The following SLC16A12 variants were observed in gnomAD, a reference collection of about 807,000 sequenced individuals.
The protein encoded by SLC16A12 is monocarboxylate transporter 12.
SLC16A12 carries 17 observed loss-of-function variants against 42.4 expected under a neutral mutation model. The observed-to-expected ratio is 0.40, with a 90% CI of 0.27 to 0.60. SLC16A12 has a LOEUF of 0.60. Among genes scored for constraint, SLC16A12 ranks in the 20% least tolerant of loss-of-function variants. The probability of loss-of-function intolerance (pLI) is 0.42; values close to 1 mark genes in which losing one functional copy is unlikely to be tolerated. For missense variants in SLC16A12, 544 were observed against 623.0 expected (o/e 0.87, Z 1.35); for synonymous variants, 224 against 229.4 (o/e 0.98, Z 0.21).
intron 2 of SLC16A12, among the ~76,000 whole-genome samples, chr10:89,487,297 T>A (rs1401537728): frequency 6.6e-6 from 1 of 152,068 alleles, no homozygotes; most frequent in Non-Finnish European, 1.5e-5. Context: ...TAGTGTACCA[T>A]CTCACACCTA....
chr10:89,524,170 A>G (rs1843409608), intron 2 of SLC16A12, among the ~76,000 whole-genome samples: 1 of 152,196 alleles, frequency 6.6e-6, no homozygotes, highest in Non-Finnish European at 1.5e-5. Flanking sequence ...GTCTTACCAT[A>G]AGGCATTAAT....
Position 89,494,714 on chromosome 10 carries a change from G to A in SLC16A12, c.-46-32090C>T, listed in dbSNP as rs141075901. On this transcript the variant is annotated intron_variant, in intron 2 of 7. Transcript: ENST00000371790. ...ACTGAAACCTAATCCAACATGGAAGGGAGACGGTAAGAAGGAAGCCAAACT... is the reference window on the plus strand; with the variant it reads ...ACTGAAACCTAATCCAACATGGAAGAGAGACGGTAAGAAGGAAGCCAAACT... 3.8e-3 allele frequency among the ~76,000 whole-genome samples: 576 copies of A among 152,324 alleles called. 3 individuals carry two copies. Among genetic ancestry groups the A allele is most frequent in the African/African-American group, 0.013 (522 of 41,568 alleles).
intron 2 of SLC16A12, among the ~76,000 whole-genome samples, chr10:89,509,650 A>C (rs866717576): frequency 1.3e-5 from 2 of 152,192 alleles, no homozygotes; most frequent in Non-Finnish European, 2.9e-5. Context: ...AATGAGCAAA[A>C]ACTGGAAGCA....
intron 6 of SLC16A12, among the ~76,000 whole-genome samples, chr10:89,436,984 G>C (rs1291452443): frequency 6.6e-6 from 1 of 152,138 alleles, no homozygotes; most frequent in Non-Finnish European, 1.5e-5. Context: ...CACATTCAAA[G>C]CCATCCCAGG....
intron 4 of SLC16A12, among the ~76,000 whole-genome samples, chr10:89,442,650 A>T (rs149112060): frequency 3.5e-4 from 54 of 152,248 alleles, no homozygotes; most frequent in Admixed American, 4.6e-4. Flanking sequence ...ATCCCTTAAG[A>T]CCTTCTTCTT....
At chr10:89,508,696 A>C (rs1843110819) in intron 2 of SLC16A12, among the ~76,000 whole-genome samples, 1 of 152,216 alleles carries the variant, frequency 6.6e-6, no homozygotes, top group Admixed American at 6.5e-5. Flanking sequence ...ACAAATTCAA[A>C]AGCTAGCAGA....
At position 89,433,544 on chromosome 10, in the gene SLC16A12, A is replaced by C. The variant is rs78515326; in HGVS notation, c.1289-218T>G. Reference sequence around the variant, plus strand: ...TAGAGTGAATTGATTGTTGTTCTGTAAAGTGCTTGGAAAAGCATCATGTAC... The same window carrying C: ...TAGAGTGAATTGATTGTTGTTCTGTCAAGTGCTTGGAAAAGCATCATGTAC... On this transcript the variant is annotated intron_variant, in intron 7 of 7. Coordinates refer to ENST00000371790, the MANE Select transcript of SLC16A12 (RefSeq NM_213606.4). 1.2e-4 allele frequency among the ~76,000 whole-genome samples: 18 copies of C among 152,340 alleles called. No homozygotes were observed. The East Asian group carries it at 3.5e-3, about 29-fold the overall frequency.
At chr10:89,512,851 G>C (rs1843185917) in intron 2 of SLC16A12, among the ~76,000 whole-genome samples, 1 of 152,196 alleles carries the variant, frequency 6.6e-6, no homozygotes, top group Non-Finnish European at 1.5e-5. Flanking sequence ...AAGTATGGGT[G>C]CCAACCAGGA....
chr10:89,524,684 C>T (rs895713846), intron 2 of SLC16A12, among the ~76,000 whole-genome samples: 4 of 152,172 alleles, frequency 2.6e-5, no homozygotes, highest in Admixed American at 6.5e-5. Context: ...GAGGCCTTTC[C>T]TCAAAGGCTT....
upstream of SLC16A12, among the ~76,000 whole-genome samples, chr10:89,535,947 G>C (rs866152540): frequency 2.6e-5 from 4 of 152,260 alleles, no homozygotes; most frequent in Admixed American, 6.5e-5. Flanking sequence ...AGCCCCGCCA[G>C]CTCCGCCGGG....
chr10:89,531,885 T>C (rs1287744259), intron 2 of SLC16A12, among the ~76,000 whole-genome samples: 1 of 152,236 alleles, frequency 6.6e-6, no homozygotes, highest in African/African-American at 2.4e-5. Context: ...ATCTTCACAG[T>C]GCCTGCCTGC....
chr10:89,519,741 G>A (rs1448027255), intron 2 of SLC16A12, among the ~76,000 whole-genome samples: 1 of 151,868 alleles, frequency 6.6e-6, no homozygotes, highest in Non-Finnish European at 1.5e-5. Context: ...GGGGGTGGGG[G>A]GGTCCGAGGA....
chr10:89,483,885 TA>T (rs1842708567), intron 2 of SLC16A12, among the ~76,000 whole-genome samples: 1 of 152,214 alleles, frequency 6.6e-6, no homozygotes, highest in Admixed American at 6.5e-5. Context: ...AACCCTCTGA[TA>T]CATGTATTAT....
chr10:89,552,272 G>C, intron 2 of SLC16A12, among the ~76,000 whole-genome samples: 1 of 152,136 alleles, frequency 6.6e-6, no homozygotes, highest in East Asian at 1.9e-4. Context: ...TAAGTACAAA[G>C]ATATCACAAG....
In SLC16A12 at chr10:89,555,644, T is replaced by G. The variant is rs138689174; in HGVS notation, c.-47+238A>C. Among the ~76,000 whole-genome samples, 118 of 144,836 alleles carry G rather than the reference T, an allele frequency of 8.1e-4. 2 individuals are homozygous for G. In the East Asian group the frequency reaches 0.019, roughly 23 times the overall value. ...ATATGTATATATACACATATATACA[T>G]ATATATACAGATATGTATATATACA... is the stretch of plus-strand genomic sequence containing the variant. On this transcript the variant is annotated intron_variant, in intron 2 of 2. Coordinates refer to the SLC16A12 transcript ENST00000475682.
chr10:89,525,220 C>CAAAAAAAAAAAAAAAAAAAAA (rs869295721), intron 2 of SLC16A12, among the ~76,000 whole-genome samples: 1 of 64,642 alleles, frequency 1.5e-5, no homozygotes, highest in Non-Finnish European at 3.0e-5. Flanking sequence ...GACACCATAT[C>CAAAAAAAAAAAAAAAAAAAAA]AAAAAAAAAA....
At position 89,487,798 on chromosome 10, in the gene SLC16A12, C is replaced by T. The variant is rs182126894; in HGVS notation, c.-46-25174G>A. On this transcript the variant is annotated intron_variant, in intron 2 of 7. Transcript: ENST00000371790. The stretch of plus-strand genomic sequence containing the variant: ...CTGCACTCCAGCCTGGGCAACAGAG[C>T]GATTCTGTCTCAAAAAAAAAAAAAA... Among the ~76,000 whole-genome samples, 271 of 103,884 alleles carry T rather than the reference C, an allele frequency of 2.6e-3. 3 individuals are homozygous for T. Among genetic ancestry groups the T allele is most frequent in the East Asian group, 0.019 (72 of 3,776 alleles). The allele number at this position is 103,884 out of a possible 152,430, so 68.2% of individuals were successfully genotyped here. A position where few individuals can be genotyped will look rare whatever the true frequency, so the allele number is the denominator to read the frequency against.
At chr10:89,493,948 G>A (rs577008253) in intron 2 of SLC16A12, among the ~76,000 whole-genome samples, 1 of 151,888 alleles carries the variant, frequency 6.6e-6, no homozygotes, top group African/African-American at 2.4e-5. Flanking sequence ...AGTTCTAGAA[G>A]CCTGTGAAAT....
chr10:89,486,738 G>C (rs1842761872), intron 2 of SLC16A12, among the ~76,000 whole-genome samples: 1 of 146,470 alleles, frequency 6.8e-6, no homozygotes, highest in Non-Finnish European at 1.5e-5. Context: ...AACGAAATAA[G>C]TAGAAATAAG....
Sources: gnomAD v4.1 joint callset for allele counts (sites outside exome capture counted in the v4.1 genomes callset) on GRCh38, gnomAD v4.1.1 for gene constraint, MANE v1.5 for transcripts, NCBI Gene and HGNC (gene_info 2026-07-23, HGNC 2026-07-21) for gene names.